The following FMNL2 variants were observed in gnomAD, a reference collection of about 807,000 sequenced individuals.
FMNL2 encodes formin-like protein 2.
In FMNL2, 51 loss-of-function variants were observed where a neutral mutation model predicts 130.2. The ratio of observed to expected loss-of-function variants is 0.39; its 90% CI spans 0.31 to 0.49. The LOEUF (loss-of-function observed/expected upper bound fraction) is 0.49. Among genes scored for constraint, FMNL2 ranks in the 20% least tolerant of loss-of-function variants. The pLI is 0.85. For missense variants in FMNL2, 977 were observed against 1,316.2 expected (o/e 0.74, Z 3.99); for synonymous variants, 465 against 467.1 (o/e 1.00, Z 0.06).
intron 1 of FMNL2, among the ~76,000 whole-genome samples, chr2:152,380,780 T>A (rs1031623772): frequency 6.6e-6 from 1 of 152,222 alleles, no homozygotes; most frequent in African/African-American, 2.4e-5. Context: ...GAGTTTGTTT[T>A]ATACAGTGCC....
At chr2:152,394,005 C>A (rs1202424385) in intron 1 of FMNL2, among the ~76,000 whole-genome samples, 1 of 152,088 alleles carries the variant, frequency 6.6e-6, no homozygotes, top group African/African-American at 2.4e-5. Flanking sequence ...GAAGAACAGG[C>A]GGTGGGCTGG....
chr2:152,596,859 C>T (rs1371974985), intron 9 of FMNL2, among the ~76,000 whole-genome samples: 3 of 152,226 alleles, frequency 2.0e-5, no homozygotes, highest in Non-Finnish European at 4.4e-5. Flanking sequence ...TGATACTATA[C>T]AAACACTAGA....
chr2:152,425,159 A>G (rs1687135762), intron 1 of FMNL2, among the ~76,000 whole-genome samples: 1 of 152,234 alleles, frequency 6.6e-6, no homozygotes, highest in Non-Finnish European at 1.5e-5. Flanking sequence ...GTTAGATGAA[A>G]GGAGCAGTCC....
intron 1 of FMNL2, among the ~76,000 whole-genome samples, chr2:152,388,994 T>A (rs981347440): frequency 7.2e-5 from 11 of 152,310 alleles, no homozygotes; most frequent in African/African-American, 2.6e-4. Context: ...AAATACCAGA[T>A]AAATGGAGTC....
At chr2:152,564,618 A>G (rs182463753) in intron 6 of FMNL2, among the ~76,000 whole-genome samples, 1 of 152,194 alleles carries the variant, frequency 6.6e-6, no homozygotes, top group Non-Finnish European at 1.5e-5. Flanking sequence ...CTGTAATCAC[A>G]GCTACTTGAG....
At chr2:152,578,780 GT>G (rs1264646944) in intron 7 of FMNL2, 107 bp from the exon 8 acceptor site, 1 of 757,966 alleles carries the variant, frequency 1.3e-6, no homozygotes, top group East Asian at 2.7e-5. Context: ...AATGGTGTAA[GT>G]TTCATTAGGT....
At chr2:152,537,371 A>G (rs1694049029) in intron 2 of FMNL2, among the ~76,000 whole-genome samples, 1 of 152,216 alleles carries the variant, frequency 6.6e-6, no homozygotes, top group Non-Finnish European at 1.5e-5. Context: ...CTAACGTTCC[A>G]GGCAACCAGT....
intron 23 of FMNL2, among the ~76,000 whole-genome samples, chr2:152,638,894 A>G (rs1222768647): frequency 6.6e-6 from 1 of 152,244 alleles, no homozygotes; most frequent in African/African-American, 2.4e-5. Flanking sequence ...AAAATCGGCT[A>G]AGACAGGTTG....
intron 6 of FMNL2, among the ~76,000 whole-genome samples, chr2:152,574,434 CAA>C (rs57776446): frequency 0.019 from 1,997 of 106,930 alleles, 41 homozygotes; most frequent in African/African-American, 0.068. Context: ...GACTCTGTCT[CAA>C]AAAAAAAAAA....
At chr2:152,357,798 T>G (rs1682921058) in intron 1 of FMNL2, among the ~76,000 whole-genome samples, 1 of 152,252 alleles carries the variant, frequency 6.6e-6, no homozygotes, top group Admixed American at 6.5e-5. Context: ...CCTAACCGTG[T>G]ATTTCCGCTA....
chr2:152,643,972 G>A lies in FMNL2; in HGVS notation c.3169+3058G>A, dbSNP rs767199371. 3.4e-4 allele frequency: 283 copies of A among 826,090 alleles called. 1 individual carries two copies. The highest frequency in any genetic ancestry group is 4.0e-4 in the Non-Finnish European group (274 of 684,920). 51.2% of individuals were successfully genotyped at this position (826,090 alleles called of 1,614,324 possible). A position where few individuals can be genotyped will look rare whatever the true frequency, so the allele number is the denominator to read the frequency against. On this transcript the variant is annotated intron_variant, in intron 25 of 25. Transcript: ENST00000288670. ...AGGTTGGATGCAGTGGCACACGCCT[G>A]TAATTCCAGTACTTTGAGAGGCTGA...
rs140080458 is a variant in FMNL2, at chr2:152,385,726, A to G, written c.117+50006A>G. ...CTGTCAGTGTGTACTGCTTTCTACTATTAATTGGGGTTTTAGTCACATGCT... is the reference window on the plus strand; with the variant it reads ...CTGTCAGTGTGTACTGCTTTCTACTGTTAATTGGGGTTTTAGTCACATGCT... On this transcript the variant is annotated intron_variant, in intron 1 of 25. Transcript: ENST00000288670. 7.6e-4 allele frequency among the ~76,000 whole-genome samples: 116 copies of G among 152,282 alleles called. 1 individual carries two copies. Among genetic ancestry groups the G allele is most frequent in the African/African-American group, 2.7e-3 (113 of 41,548 alleles).
chr2:152,639,459 A>G (rs3811568), intron 23 of FMNL2, among the ~76,000 whole-genome samples: 19,185 of 152,232 alleles, frequency 0.13, 1,528 homozygotes, highest in Middle Eastern at 0.24. Flanking sequence ...GATTCATCAG[A>G]CTAGTCACAC....
intron 1 of FMNL2, among the ~76,000 whole-genome samples, chr2:152,450,311 A>G (rs895916229): frequency 6.6e-6 from 1 of 152,204 alleles, no homozygotes; most frequent in Non-Finnish European, 1.5e-5. Flanking sequence ...AATCAACAAC[A>G]GTTTCCCTTC....
At chr2:152,544,796 G>A (rs1475320667) in intron 3 of FMNL2, among the ~76,000 whole-genome samples, 3 of 152,164 alleles carry the variant, frequency 2.0e-5, no homozygotes, top group Non-Finnish European at 4.4e-5. Context: ...CCCACATGGA[G>A]GAAGATGCTT....
intron 25 of FMNL2, among the ~76,000 whole-genome samples, chr2:152,641,213 C>T (rs1683058496): frequency 6.6e-6 from 1 of 152,166 alleles, no homozygotes; most frequent in Admixed American, 6.5e-5. Context: ...CACACCTAGC[C>T]ACCTGCCTGA....
intron 22 of FMNL2, among the ~76,000 whole-genome samples, chr2:152,637,013 G>A (rs764252674): frequency 3.9e-5 from 6 of 152,164 alleles, no homozygotes; most frequent in Non-Finnish European, 8.8e-5. Context: ...TGAACAGTAC[G>A]CTATCAGAAG....
chr2:152,390,922 G>C (rs2105926896), intron 1 of FMNL2, among the ~76,000 whole-genome samples: 1 of 152,316 alleles, frequency 6.6e-6, no homozygotes, highest in South Asian at 2.1e-4. Flanking sequence ...TAATTGTTCT[G>C]TTAAGGTATG....
At position 152,544,838 on chromosome 2, in the gene FMNL2, G is replaced by A. The variant is rs537246789; in HGVS notation, c.282+2019G>A. ...AAGAGGTGGGCTTCCTCCTGGCACA[G>A]TTCCAATTTTCCTTTAGATCAGCTG... On this transcript the variant is annotated intron_variant, in intron 3 of 25. Transcript: ENST00000288670. Among the ~76,000 whole-genome samples, 4 of 152,312 alleles carry A rather than the reference G, an allele frequency of 2.6e-5. No homozygotes were observed. In the South Asian group the frequency reaches 8.3e-4, roughly 32 times the overall value.
Sources: gnomAD v4.1 joint callset for allele counts (sites outside exome capture counted in the v4.1 genomes callset) on GRCh38, gnomAD v4.1.1 for gene constraint, MANE v1.5 for transcripts, NCBI Gene and HGNC (gene_info 2026-07-23, HGNC 2026-07-21) for gene names.